Variants in KAZN observed in about 807,000 individuals in gnomAD.
The protein encoded by KAZN is kazrin, periplakin interacting protein, also known as kazrin.
Under a neutral mutation model 87.4 loss-of-function variants are expected in KAZN, and 40 were observed. The observed-to-expected ratio is 0.46, with a 90% CI of 0.36 to 0.60. The LOEUF (loss-of-function observed/expected upper bound fraction) is 0.60, where lower values mean the gene tolerates loss of function less well. Ranked by LOEUF, KAZN falls within the 20% of genes least tolerant of loss-of-function variation. The pLI, the probability that KAZN is intolerant of heterozygous loss-of-function variation, is 0.00. For missense variants in KAZN, 898 were observed against 1,073.9 expected, an observed-to-expected ratio of 0.84 and a Z score of 2.29; for synonymous variants, 466 against 458.3, an observed-to-expected ratio of 1.02 and a Z score of -0.22.
At chr1:14,361,605 G>A (rs1320181375) in intron 2 of KAZN, among the ~76,000 whole-genome samples, 1 of 152,252 alleles carries the variant, frequency 6.6e-6, no homozygotes, top group Non-Finnish European at 1.5e-5. Context: ...CCTGGTCTGT[G>A]GGTTGTGAAG....
chr1:14,981,243 C>A (rs949718576), intron 2 of KAZN, among the ~76,000 whole-genome samples: 1 of 152,228 alleles, frequency 6.6e-6, no homozygotes, highest in Non-Finnish European at 1.5e-5. Context: ...GGGTTTCTCG[C>A]TTTTTGCTGT....
At position 14,825,992 on chromosome 1, in the gene KAZN, A is replaced by G. The variant is rs1646875273; in HGVS notation, c.227-134692A>G. Among the ~76,000 whole-genome samples, 3 of 152,212 alleles carry G rather than the reference A, an allele frequency of 2.0e-5. No individual in the cohort carries two copies. The South Asian group carries it at 6.2e-4, about 32-fold the overall frequency. On this transcript the variant is annotated intron_variant, in intron 1 of 14. Coordinates refer to ENST00000376030, the MANE Select transcript of KAZN (RefSeq NM_201628.3). ...TCTGAATTGGTGGACAGCTGGCTGA[A>G]TGGTAACAAGACACAGAGATTCAAT...
chr1:14,910,058 A>AATG (rs1557611536), intron 1 of KAZN, among the ~76,000 whole-genome samples: 2 of 122,850 alleles, frequency 1.6e-5, no homozygotes, highest in Non-Finnish European at 3.6e-5. Flanking sequence ...CTCAATAAAT[A>AATG]AATAATGAAT....
intron 1 of KAZN, among the ~76,000 whole-genome samples, chr1:14,873,613 G>T (rs139134358): frequency 0.029 from 4,396 of 152,326 alleles, 83 homozygotes; most frequent in Non-Finnish European, 0.041. Context: ...TCAGGCTTTT[G>T]GAAGACTTTG....
chr1:14,900,127 G>A (rs980327581), intron 1 of KAZN, among the ~76,000 whole-genome samples: 7 of 152,150 alleles, frequency 4.6e-5, no homozygotes, highest in Non-Finnish European at 8.8e-5. Flanking sequence ...TGCTCACCCC[G>A]ATGGCTATGA....
chr1:14,292,325 G>A (rs1028925938), intron 2 of KAZN, among the ~76,000 whole-genome samples: 2 of 152,240 alleles, frequency 1.3e-5, no homozygotes, highest in Admixed American at 6.5e-5. Context: ...AGAACACAGA[G>A]AGGGAGAAAT....
intron 2 of KAZN, among the ~76,000 whole-genome samples, chr1:14,415,201 C>T (rs1309038974): frequency 6.6e-6 from 1 of 151,946 alleles, no homozygotes; most frequent in Non-Finnish European, 1.5e-5. Flanking sequence ...TCATTATTTT[C>T]CTTGTCTGCC....
rs560110856 is a variant in KAZN, at chr1:14,598,754, C to T, written c.-244C>T. ...ATCGCTGCTCCTCCTCCTCCTTCTC[C>T]TCCTCTTTTTTCTCCTCCGCCTCCT... On this transcript the variant is annotated 5_prime_UTR_variant, in exon 1 of 15. Transcript: ENST00000376030. This position sits in a 1 kb window ranked among gnomAD's most constrained non-coding sequence, Gnocchi z 4.2. 1.5e-6 allele frequency: 2 copies of T among 1,340,768 alleles called. No homozygotes were observed. The highest frequency in any genetic ancestry group is 3.2e-5 in the East Asian group (1 of 31,696). 83.1% of individuals were successfully genotyped at this position (1,340,768 alleles called of 1,614,324 possible).
At chr1:13,923,719 G>A (rs1172078803) in intron 1 of KAZN, among the ~76,000 whole-genome samples, 2 of 151,850 alleles carry the variant, frequency 1.3e-5, no homozygotes, top group East Asian at 3.9e-4. Flanking sequence ...AGGGGCGGCA[G>A]AGGCAGAAGA....
chr1:14,246,637 CT>C (rs1649540640), intron 2 of KAZN, among the ~76,000 whole-genome samples: 1 of 152,180 alleles, frequency 6.6e-6, no homozygotes, highest in Non-Finnish European at 1.5e-5. Context: ...ATTGCATTCT[CT>C]TTTCCCCCCA....
intron 2 of KAZN, among the ~76,000 whole-genome samples, chr1:14,333,729 G>T (rs1378233136): frequency 2.6e-5 from 4 of 152,200 alleles, no homozygotes; most frequent in South Asian, 2.1e-4. Flanking sequence ...GCTGGTGGGG[G>T]GTGTCGCTTG....
intron 1 of KAZN, among the ~76,000 whole-genome samples, chr1:14,005,920 A>G (rs1343837651): frequency 6.6e-6 from 1 of 152,174 alleles, no homozygotes; most frequent in African/African-American, 2.4e-5. Flanking sequence ...CACTAGGAGA[A>G]AGCTTTAAAC....
chr1:14,311,512 G>A (rs112823959), intron 2 of KAZN, among the ~76,000 whole-genome samples: 1,978 of 152,228 alleles, frequency 0.013, 46 homozygotes, highest in African/African-American at 0.046. Flanking sequence ...TGTATTGGTG[G>A]GGTGGAATAA....
intron 2 of KAZN, among the ~76,000 whole-genome samples, chr1:14,533,108 G>A (rs1672302788): frequency 6.6e-6 from 1 of 152,158 alleles, no homozygotes; most frequent in African/African-American, 2.4e-5. Flanking sequence ...TCTCCAAAAT[G>A]AGAATCAAGT....
At chr1:15,091,218 T>C (rs1640517649) in intron 8 of KAZN, among the ~76,000 whole-genome samples, 1 of 152,244 alleles carries the variant, frequency 6.6e-6, no homozygotes, top group South Asian at 2.1e-4. Flanking sequence ...CATATTTTTA[T>C]ATACTAGATT....
intron 1 of KAZN, among the ~76,000 whole-genome samples, chr1:14,012,355 ACT>A (rs1207733290): frequency 2.0e-5 from 3 of 152,222 alleles, no homozygotes; most frequent in Non-Finnish European, 4.4e-5. Flanking sequence ...GTACAAATGC[ACT>A]TATTTAATTC....
chr1:13,933,360 C>T (rs769740511), intron 1 of KAZN, among the ~76,000 whole-genome samples: 6 of 152,000 alleles, frequency 3.9e-5, no homozygotes, highest in South Asian at 2.1e-4. Flanking sequence ...GGCGTGGTGG[C>T]GCATGACTGT....
intron 2 of KAZN, among the ~76,000 whole-genome samples, chr1:14,970,873 G>C (rs1664953398): frequency 6.6e-6 from 1 of 152,326 alleles, no homozygotes; most frequent in Admixed American, 6.5e-5. Flanking sequence ...TGTGTTCTGG[G>C]GAGGGGAGAT....
rs116293683 is a variant in KAZN, at chr1:15,101,499, G to A, written c.1548-44G>A. 3,288 of 1,381,082 alleles carry A rather than the reference G, an allele frequency of 2.4e-3. 58 individuals are homozygous for A. The African/African-American group carries it at 0.039, about 16-fold the overall frequency. The allele number at this position is 1,381,082 out of a possible 1,614,324, so 85.6% of individuals were successfully genotyped here. A position where few individuals can be genotyped will look rare whatever the true frequency, so the allele number is the denominator to read the frequency against. ...TTCTGCCCGTCCGTCTGTTTCTGCC[G>A]CCTTTCCCCACCCATCCACTCTCTG... is the stretch of plus-strand genomic sequence containing the variant. On this transcript the variant is annotated intron_variant, in intron 10 of 14. Transcript: ENST00000376030.
Sources: gnomAD v4.1 joint callset for allele counts (sites outside exome capture counted in the v4.1 genomes callset) on GRCh38, gnomAD v4.1.1 for gene constraint, Gnocchi (gnomAD v3.1) non-coding constraint, MANE v1.5 for transcripts, NCBI Gene and HGNC (gene_info 2026-07-23, HGNC 2026-07-21) for gene names.